ARHGEF28: variants seen among roughly 807,000 people sequenced by gnomAD.
The protein encoded by ARHGEF28 is 190 kDa guanine nucleotide exchange factor.
In ARHGEF28, 152 loss-of-function variants were observed where a neutral mutation model predicts 206.6. The ratio of observed to expected loss-of-function variants is 0.74; its 90% CI spans 0.64 to 0.84. ARHGEF28 has a LOEUF of 0.84. Among genes scored for constraint, ARHGEF28 ranks in the 40% least tolerant of loss-of-function variants. ARHGEF28 has a pLI of 0.00. For synonymous variants in ARHGEF28, 763 were observed against 776.4 expected (o/e 0.98, Z 0.29); for missense variants, 2,028 against 2,073.2 (o/e 0.98, Z 0.42).
intron 9 of ARHGEF28, among the ~76,000 whole-genome samples, chr5:73,828,635 T>C (rs1043821787): frequency 3.3e-5 from 4 of 119,836 alleles, no homozygotes; most frequent in African/African-American, 6.4e-5. Flanking sequence ...TTTTTCCTTT[T>C]GTTTCTCCTT....
At chr5:73,796,560 G>A (rs1754832264) in intron 9 of ARHGEF28, among the ~76,000 whole-genome samples, 1 of 152,222 alleles carries the variant, frequency 6.6e-6, no homozygotes, top group South Asian at 2.1e-4. Context: ...CGGAAATCAT[G>A]CTGTGTAGAG....
rs370076875 is a variant in ARHGEF28, at chr5:73,852,612, G to C, written c.1748-38G>C. 4 of 1,600,526 alleles carry C rather than the reference G, an allele frequency of 2.5e-6. No individual in the cohort carries two copies. In the African/African-American group the frequency reaches 4.0e-5, roughly 16 times the overall value. The stretch of plus-strand genomic sequence containing the variant: ...GACTAACATATGACTGCCAGTTTGT[G>C]TGCCTTAGTTTTCATTTTATTGTTC... On this transcript the variant is annotated intron_variant, in intron 13 of 35. Coordinates refer to ENST00000513042, the MANE Select transcript of ARHGEF28 (RefSeq NM_001177693.2).
intron 2 of ARHGEF28, among the ~76,000 whole-genome samples, chr5:73,749,394 T>A (rs1751907699): frequency 6.6e-6 from 1 of 152,120 alleles, no homozygotes; most frequent in South Asian, 2.1e-4. Context: ...CTGCTGGGTG[T>A]GGTGGCACAT....
Position 73,773,928 on chromosome 5 carries a change from G to A in ARHGEF28, c.549G>A (p.Leu183=). The A allele has an allele frequency of 6.2e-7, 1 of 1,608,180 alleles. No individual in the cohort carries two copies. The highest frequency in any genetic ancestry group is 8.5e-7 in the Non-Finnish European group (1 of 1,177,204). ...TGGCTAAACTTTCCCAGTTCTTCTTGTGTCTCCCGGGGGGAGTCCAGGCCT... is the reference window on the plus strand; with the variant it reads ...TGGCTAAACTTTCCCAGTTCTTCTTATGTCTCCCGGGGGGAGTCCAGGCCT... ...WGLAKLSQFF[L]CLPGGVQALA... The change falls in exon 5 of 36, where the codon TTG becomes TTA. Residue 183 remains leucine (L), a synonymous_variant. Coordinates refer to ENST00000513042, the MANE Select transcript of ARHGEF28 (RefSeq NM_001177693.2).
At chr5:73,748,676 A>G (rs757352294) in intron 2 of ARHGEF28, among the ~76,000 whole-genome samples, 1 of 152,138 alleles carries the variant, frequency 6.6e-6, no homozygotes, top group Non-Finnish European at 1.5e-5. Context: ...TTGTTGGACA[A>G]GCACACAAAA....
At chr5:73,910,292 A>G (rs945714923) in intron 34 of ARHGEF28, among the ~76,000 whole-genome samples, 2 of 149,254 alleles carry the variant, frequency 1.3e-5, no homozygotes, top group African/African-American at 5.0e-5. Context: ...GAGGCAGGAG[A>G]ATCACTTGAA....
Position 73,893,314 on chromosome 5 carries a change from C to T in ARHGEF28, c.3658+26C>T, listed in dbSNP as rs773834333. ...GTACAGTGCAGGCACTTCTGGCTCCCTGGTCGTGGTGTTCTCCTGGGTGTT... is the reference window on the plus strand; with the variant it reads ...GTACAGTGCAGGCACTTCTGGCTCCTTGGTCGTGGTGTTCTCCTGGGTGTT... On this transcript the variant is annotated intron_variant, in intron 28 of 35. Coordinates refer to ENST00000513042, the MANE Select transcript of ARHGEF28 (RefSeq NM_001177693.2). The T allele has an allele frequency of 7.9e-6, 12 of 1,517,846 alleles. No individual in the cohort carries two copies. In the South Asian group the frequency reaches 1.4e-4, roughly 18 times the overall value. 94.0% of individuals were successfully genotyped at this position (1,517,846 alleles called of 1,614,324 possible).
chr5:73,908,298 A>G (rs1762659346), intron 33 of ARHGEF28: 1 of 152,236 alleles, frequency 6.6e-6, no homozygotes, highest in African/African-American at 2.4e-5. Context: ...TCAAAAGTAT[A>G]GGAAACTGCT....
At chr5:73,940,096 A>G (rs1404744454) in intron 35 of ARHGEF28, among the ~76,000 whole-genome samples, 1 of 152,196 alleles carries the variant, frequency 6.6e-6, no homozygotes, top group African/African-American at 2.4e-5. Flanking sequence ...TGGTCAGTGG[A>G]ACAAGTGCAG....
At chr5:73,756,882 G>A (rs1414417727) in intron 4 of ARHGEF28, among the ~76,000 whole-genome samples, 1 of 152,230 alleles carries the variant, frequency 6.6e-6, no homozygotes, top group Non-Finnish European at 1.5e-5. Flanking sequence ...TTGGACATAA[G>A]TTAATCATTT....
chr5:73,662,806 T>C (rs1288355500), intron 1 of ARHGEF28, among the ~76,000 whole-genome samples: 1 of 152,182 alleles, frequency 6.6e-6, no homozygotes, highest in Non-Finnish European at 1.5e-5. Context: ...AGTTAACTGG[T>C]ATGACTTTCC....
intron 35 of ARHGEF28, among the ~76,000 whole-genome samples, chr5:73,928,073 C>T (rs1763915796): frequency 6.6e-6 from 1 of 152,176 alleles, no homozygotes; most frequent in Non-Finnish European, 1.5e-5. Flanking sequence ...ATCAATTTCT[C>T]AAACCAGAAT....
chr5:73,635,677 G>T (rs1243975656), intron 1 of ARHGEF28, among the ~76,000 whole-genome samples: 1 of 152,136 alleles, frequency 6.6e-6, no homozygotes, highest in Non-Finnish European at 1.5e-5. Flanking sequence ...CCACATTTAG[G>T]TATAAGAATC....
At chr5:73,903,095 C>T (rs1374607603) in intron 31 of ARHGEF28, 1 of 152,244 alleles carries the variant, frequency 6.6e-6, no homozygotes, top group Non-Finnish European at 1.5e-5. Flanking sequence ...CGAGTGAAAT[C>T]TTTAATTGGC....
intron 24 of ARHGEF28, 106 bp from the exon 25 acceptor site, chr5:73,885,744 G>C (rs1383405040): frequency 8.4e-7 from 1 of 1,188,596 alleles, no homozygotes; most frequent in African/African-American, 1.6e-5. Context: ...TTATTGTTTA[G>C]ATGATACATT....
At chr5:73,923,163 A>C (rs1763613530) in intron 35 of ARHGEF28, 1 of 1,535,612 alleles carries the variant, frequency 6.5e-7, no homozygotes, top group African/African-American at 1.4e-5. Context: ...CTACTTTGAA[A>C]GGTAATACTG....
intron 2 of ARHGEF28, among the ~76,000 whole-genome samples, chr5:73,721,278 C>G (rs1462935918): frequency 6.6e-6 from 1 of 152,196 alleles, no homozygotes; most frequent in Non-Finnish European, 1.5e-5. Flanking sequence ...ATTTCTACTT[C>G]AGGGCTTTGG....
rs1188739906 is a variant in ARHGEF28 at position 73,911,342 on chromosome 5, T to C, written c.4715T>C (p.Val1572Ala). The C allele has an allele frequency of 4.3e-6, 7 of 1,612,862 alleles. No homozygotes were observed. In the East Asian group the frequency reaches 6.7e-5, roughly 15 times the overall value. Residue 1572 changes from valine to alanine, a missense_variant, in exon 35 of 36, where the codon GTA (valine) becomes GCA (alanine). By Grantham distance (64) the Val-to-Ala change is moderately conservative. Coordinates refer to ENST00000513042, the MANE Select transcript of ARHGEF28 (RefSeq NM_001177693.2). ...TCATTCTTCATCAATGAAGCTTTAG[T>C]ACAAATGTCATTTAACACTTTCAAC... Reference protein sequence around the residue: ...ENSFFINEALVQMSFNTFNKL... With the variant: ...ENSFFINEALAQMSFNTFNKL...
At chr5:73,776,268 T>C (rs925656926) in intron 5 of ARHGEF28, among the ~76,000 whole-genome samples, 1 of 152,262 alleles carries the variant, frequency 6.6e-6, no homozygotes, top group Non-Finnish European at 1.5e-5. Flanking sequence ...TTTCATTCTT[T>C]ATGTAAACCT....
Sources: allele counts gnomAD v4.1 joint callset (sites outside exome capture counted in the v4.1 genomes callset), GRCh38; gene constraint gnomAD v4.1.1; transcripts MANE v1.5; gene names NCBI Gene and HGNC (gene_info 2026-07-23, HGNC 2026-07-21).